The following DPP10 variants were observed in gnomAD, a reference collection of about 807,000 sequenced individuals.
DPP10 encodes the protein inactive dipeptidyl peptidase 10.
In DPP10, 33 loss-of-function variants were observed where a neutral mutation model predicts 120.9. That is an observed-to-expected ratio of 0.27 (90% CI 0.21 to 0.37). The LOEUF (loss-of-function observed/expected upper bound fraction) is 0.37. Ranked by LOEUF, DPP10 falls within the 10% of genes least tolerant of loss-of-function variation. The probability of loss-of-function intolerance (pLI) is 1.00; values close to 1 mark genes in which losing one functional copy is unlikely to be tolerated. For synonymous variants in DPP10, 337 were observed against 326.1 expected, an observed-to-expected ratio of 1.03 and a Z score of -0.36; for missense variants, 816 against 942.8, an observed-to-expected ratio of 0.87 and a Z score of 1.76.
intron 3 of DPP10, among the ~76,000 whole-genome samples, chr2:115,386,859 T>C (rs891369648): frequency 1.3e-5 from 2 of 151,886 alleles, no homozygotes; most frequent in Admixed American, 1.3e-4. Context: ...AATATGTTTA[T>C]AATAATCAGT....
At chr2:115,431,751 A>C (rs2071006812) in intron 3 of DPP10, among the ~76,000 whole-genome samples, 1 of 152,038 alleles carries the variant, frequency 6.6e-6, no homozygotes, top group Non-Finnish European at 1.5e-5. Context: ...TTTGGATATC[A>C]TCCCTCCATT....
chr2:115,539,482 C>G (rs2079055818), intron 5 of DPP10, among the ~76,000 whole-genome samples: 2 of 151,892 alleles, frequency 1.3e-5, no homozygotes, highest in South Asian at 4.1e-4. Flanking sequence ...AATTGTCCAT[C>G]ACAGGCATTG....
intron 1 of DPP10, among the ~76,000 whole-genome samples, chr2:114,600,254 T>A (rs895558731): frequency 1.3e-5 from 2 of 151,814 alleles, no homozygotes; most frequent in African/African-American, 4.8e-5. Context: ...TTTATAATTT[T>A]TATTTCTGTG....
chr2:114,556,928 G>A (rs1688359605), intron 1 of DPP10, among the ~76,000 whole-genome samples: 1 of 151,398 alleles, frequency 6.6e-6, no homozygotes, highest in Non-Finnish European at 1.5e-5. Flanking sequence ...TGTGGTGGAG[G>A]ACCAAAACCA....
intron 1 of DPP10, among the ~76,000 whole-genome samples, chr2:114,474,776 C>T (rs555915590): frequency 1.3e-5 from 2 of 152,176 alleles, no homozygotes; most frequent in African/African-American, 2.4e-5. Flanking sequence ...CTTTGTCCTC[C>T]ACTTATAAGG....
At chr2:114,532,579 G>A (rs1292969942) in intron 1 of DPP10, among the ~76,000 whole-genome samples, 1 of 151,788 alleles carries the variant, frequency 6.6e-6, no homozygotes, top group Non-Finnish European at 1.5e-5. Context: ...CCACCCTCCA[G>A]AAGTACTCAC....
intron 7 of DPP10, among the ~76,000 whole-genome samples, chr2:115,723,722 A>G (rs2092703353): frequency 6.6e-6 from 1 of 152,034 alleles, no homozygotes; most frequent in African/African-American, 2.4e-5. Flanking sequence ...CCAAATGGGA[A>G]TAACACATTA....
intron 2 of DPP10, among the ~76,000 whole-genome samples, chr2:115,341,042 A>G (rs1203698278): frequency 6.6e-6 from 1 of 152,248 alleles, no homozygotes; most frequent in East Asian, 1.9e-4. Context: ...GAGATACCTC[A>G]TAGAATAAAT....
At chr2:115,003,299 G>A (rs760649027) in intron 1 of DPP10, among the ~76,000 whole-genome samples, 5 of 151,972 alleles carry the variant, frequency 3.3e-5, no homozygotes, top group Non-Finnish European at 7.4e-5. Context: ...CTCACTTATG[G>A]GAACTAATAA....
chr2:114,730,571 T>C (rs1676797255), intron 1 of DPP10, among the ~76,000 whole-genome samples: 1 of 152,142 alleles, frequency 6.6e-6, no homozygotes, highest in Non-Finnish European at 1.5e-5. Context: ...GGTTTTGTTT[T>C]TTGTTTTTTT....
rs111425799 is a variant in DPP10, at chr2:114,557,207, C to T, written c.60+114369C>T. Among the ~76,000 whole-genome samples the T allele has an allele frequency of 8.1e-3, 1,233 of 152,056 alleles. 19 individuals carry two copies. Among genetic ancestry groups the T allele is most frequent in the African/African-American group, 0.028 (1,171 of 41,468 alleles). ...GGTCTGCAATGAACTTTTGCAAGAA[C>T]GAGAGTGGGGAAGACTCTTCATGAG... On this transcript the variant is annotated intron_variant, in intron 1 of 25. Coordinates refer to ENST00000410059, the MANE Select transcript of DPP10 (RefSeq NM_020868.6).
chr2:114,675,278 C>A (rs569609646), intron 1 of DPP10, among the ~76,000 whole-genome samples: 3 of 152,116 alleles, frequency 2.0e-5, no homozygotes, highest in Non-Finnish European at 2.9e-5. Context: ...TAATTCGACC[C>A]ACTTGCACTT....
At chr2:114,669,188 A>G (rs767130318) in intron 1 of DPP10, among the ~76,000 whole-genome samples, 2 of 152,196 alleles carry the variant, frequency 1.3e-5, no homozygotes, top group Non-Finnish European at 2.9e-5. Context: ...AATATCAAAA[A>G]GCCTATACAT....
At chr2:115,603,119 A>C (rs1323870087) in intron 5 of DPP10, among the ~76,000 whole-genome samples, 2 of 119,672 alleles carry the variant, frequency 1.7e-5, no homozygotes, top group African/African-American at 5.9e-5. Flanking sequence ...AAAATAAATA[A>C]AACTGTGTGT....
intron 1 of DPP10, among the ~76,000 whole-genome samples, chr2:114,907,765 G>C (rs1016641082): frequency 2.6e-5 from 4 of 152,028 alleles, no homozygotes; most frequent in Non-Finnish European, 5.9e-5. Context: ...AGTGCATTTT[G>C]CTTTAATGGC....
At chr2:114,593,569 T>C (rs1573743759) in intron 1 of DPP10, among the ~76,000 whole-genome samples, 1 of 152,220 alleles carries the variant, frequency 6.6e-6, no homozygotes, top group Non-Finnish European at 1.5e-5. Flanking sequence ...TTCATCGCAG[T>C]CGGTCTTTTA....
chr2:115,721,922 A>C (rs1006410773), intron 7 of DPP10, among the ~76,000 whole-genome samples: 2 of 152,216 alleles, frequency 1.3e-5, no homozygotes, highest in African/African-American at 4.8e-5. Flanking sequence ...CAGGTTTTAA[A>C]AAGAAGGAAA....
intron 1 of DPP10, among the ~76,000 whole-genome samples, chr2:115,041,611 A>C (rs911409495): frequency 6.6e-6 from 1 of 152,144 alleles, no homozygotes. Context: ...AGTAACAGCA[A>C]TTTTGTGGTG....
chr2:114,738,230 T>A (rs912120312), intron 1 of DPP10, among the ~76,000 whole-genome samples: 2 of 152,182 alleles, frequency 1.3e-5, no homozygotes, highest in African/African-American at 2.4e-5. Flanking sequence ...GACCTGAGAT[T>A]TGAGTGGGAA....
Sources: gnomAD v4.1 joint callset for allele counts (sites outside exome capture counted in the v4.1 genomes callset) on GRCh38, gnomAD v4.1.1 for gene constraint, MANE v1.5 for transcripts, NCBI Gene and HGNC (gene_info 2026-07-23, HGNC 2026-07-21) for gene names.